PTPRN2: variants seen among roughly 807,000 people sequenced by gnomAD.
PTPRN2 encodes receptor-type tyrosine-protein phosphatase N2.
Under a neutral mutation model 118.8 loss-of-function variants are expected in PTPRN2, and 74 were observed. The ratio of observed to expected loss-of-function variants is 0.62; its 90% CI spans 0.52 to 0.76. PTPRN2 has a LOEUF of 0.76. Ranked by LOEUF, PTPRN2 falls within the 30% of genes least tolerant of loss-of-function variation. The pLI is 0.00. For synonymous variants in PTPRN2, 641 were observed against 608.0 expected, an observed-to-expected ratio of 1.05 and a Z score of -0.80; for missense variants, 1,481 against 1,394.4, an observed-to-expected ratio of 1.06 and a Z score of -0.99.
Position 157,585,728 on chromosome 7 carries a change from G to GAGAGGA in PTPRN2, c.2497-7594_2497-7589dup, listed in dbSNP as rs919175251. Among the ~76,000 whole-genome samples the GAGAGGA allele has an allele frequency of 5.3e-4, 80 of 152,340 alleles. No individual in the cohort carries two copies. Among genetic ancestry groups the GAGAGGA allele is most frequent in the African/African-American group, 1.8e-3 (75 of 41,584 alleles). On this transcript the variant is annotated intron_variant, in intron 17 of 22. Coordinates refer to ENST00000389418, the MANE Select transcript of PTPRN2 (RefSeq NM_002847.5). This position sits in a 1 kb window ranked among gnomAD's most constrained non-coding sequence, Gnocchi z 5.2. ...TGCATCAGATCCAGTTGTGAAGCAAGAGAGGAAGAGGAAGAGGAAGAGGGG... is the reference window on the plus strand; with the variant it reads ...TGCATCAGATCCAGTTGTGAAGCAAGAGAGGAAGAGGAAGAGGAAGAGGAAGAGGGG...
chr7:158,387,512 T>TG (rs1422135881), intron 2 of PTPRN2, among the ~76,000 whole-genome samples: 1 of 1,436 alleles, frequency 7.0e-4, no homozygotes, highest in African/African-American at 1.8e-3. Flanking sequence ...GTTACGATGT[T>TG]GGAAAGCACT....
chr7:157,722,841 C>G (rs983305538), intron 12 of PTPRN2, among the ~76,000 whole-genome samples: 1 of 152,082 alleles, frequency 6.6e-6, no homozygotes, highest in Non-Finnish European at 1.5e-5. Context: ...GGGCTCTGCT[C>G]CCACGGGTTC....
chr7:157,894,223 A>G (rs984612641), intron 12 of PTPRN2, among the ~76,000 whole-genome samples: 4 of 152,256 alleles, frequency 2.6e-5, no homozygotes, highest in African/African-American at 9.6e-5. Flanking sequence ...GCACAGGAAG[A>G]AAGTGGATCT....
In PTPRN2 at chr7:158,320,090, CACTCACAT is replaced by C. The variant is rs1322791442; in HGVS notation, c.164-3166_164-3159del. Among the ~76,000 whole-genome samples the C allele has an allele frequency of 3.7e-4, 28 of 75,276 alleles. 1 individual carries two copies. Among genetic ancestry groups the C allele is most frequent in the African/African-American group, 1.3e-3 (25 of 19,990 alleles). The allele number at this position is 75,276 out of a possible 152,430, so 49.4% of individuals were successfully genotyped here. A position where few individuals can be genotyped will look rare whatever the true frequency, so the allele number is the denominator to read the frequency against. On this transcript the variant is annotated intron_variant, in intron 2 of 22. Transcript: ENST00000389418. ...ACACACACACAGCCTCCCTCACACA[CACTCACAT>C]AGTCTCCCTCACACACACACACAGC...
At chr7:158,026,245 A>AT (rs1360611414) in intron 11 of PTPRN2, among the ~76,000 whole-genome samples, 2 of 152,226 alleles carry the variant, frequency 1.3e-5, no homozygotes, top group East Asian at 1.9e-4. Flanking sequence ...CTACTGATAT[A>AT]TTTTCCCTAA....
intron 9 of PTPRN2, among the ~76,000 whole-genome samples, chr7:158,126,784 TG>T (rs1817723163): frequency 6.6e-6 from 1 of 152,114 alleles, no homozygotes. Context: ...AGGAAGGGGC[TG>T]GGGGAACCTG....
chr7:158,561,817 G>A (rs1045248547), intron 1 of PTPRN2, among the ~76,000 whole-genome samples: 36 of 152,274 alleles, frequency 2.4e-4, no homozygotes, highest in Admixed American at 2.2e-3. Context: ...AGGGGGGACC[G>A]TGCCACCCCC....
At chr7:157,628,591 TCTGA>T (rs1289823566) in intron 14 of PTPRN2, among the ~76,000 whole-genome samples, 1 of 152,218 alleles carries the variant, frequency 6.6e-6, no homozygotes, top group Non-Finnish European at 1.5e-5. Flanking sequence ...AGTCAGGCCA[TCTGA>T]CTGAGCCCCA....
chr7:157,707,745 A>G (rs1798406645), intron 12 of PTPRN2, among the ~76,000 whole-genome samples: 1 of 152,070 alleles, frequency 6.6e-6, no homozygotes, highest in African/African-American at 2.4e-5. Flanking sequence ...GATTACAGGC[A>G]CGCACCACTA....
In PTPRN2 at chr7:158,331,737, C is replaced by T. The variant is rs1237177944; in HGVS notation, c.164-14805G>A. On this transcript the variant is annotated intron_variant, in intron 2 of 22. Transcript: ENST00000389418. ...CACATTCTCACCATAAGAGCTGACA[C>T]CTGCAGACGTCACTCAAACTCACAC... Among the ~76,000 whole-genome samples, 5 of 147,878 alleles carry T rather than the reference C, an allele frequency of 3.4e-5. No homozygotes were observed. In the South Asian group the frequency reaches 1.1e-3, roughly 31 times the overall value.
intron 12 of PTPRN2, among the ~76,000 whole-genome samples, chr7:157,896,782 C>T (rs1295919426): frequency 1.3e-5 from 2 of 152,218 alleles, no homozygotes; most frequent in Non-Finnish European, 2.9e-5. Context: ...TGGGCTGGAG[C>T]TGCCCAGTCA....
chr7:158,407,158 GGTCCTGGGTCCTGCGTCCTGC>G (rs1453574400), intron 2 of PTPRN2, among the ~76,000 whole-genome samples: 5 of 109,960 alleles, frequency 4.5e-5, no homozygotes, highest in Non-Finnish European at 9.6e-5. Context: ...CTGGGTCCTG[GGTCCTGGGTCCTGCGTCCTGC>G]GTCCTGGGTC....
At chr7:158,233,482 C>T (rs1409631826) in intron 3 of PTPRN2, among the ~76,000 whole-genome samples, 4 of 152,074 alleles carry the variant, frequency 2.6e-5, no homozygotes, top group South Asian at 2.1e-4. Flanking sequence ...GTTAAAATGT[C>T]GATACTACCC....
At chr7:157,856,453 C>T (rs987929833) in intron 12 of PTPRN2, among the ~76,000 whole-genome samples, 3 of 152,168 alleles carry the variant, frequency 2.0e-5, no homozygotes, top group African/African-American at 2.4e-5. Context: ...TTTGCTGGGG[C>T]GTCCCGTTCC....
chr7:158,350,735 C>T (rs534091143), intron 2 of PTPRN2, among the ~76,000 whole-genome samples: 1 of 152,230 alleles, frequency 6.6e-6, no homozygotes, highest in Non-Finnish European at 1.5e-5. Flanking sequence ...TCGCTCATCA[C>T]CGGCCAGGCC....
intron 11 of PTPRN2, among the ~76,000 whole-genome samples, chr7:157,941,054 T>C (rs1482601260): frequency 1.6e-3 from 31 of 19,558 alleles, no homozygotes; most frequent in East Asian, 3.3e-3. Context: ...AATCTAACAC[T>C]CTCCCCCGTG....
chr7:158,071,126 G>GTA (rs1350904154), intron 11 of PTPRN2, among the ~76,000 whole-genome samples: 6 of 92,026 alleles, frequency 6.5e-5, no homozygotes, highest in East Asian at 5.8e-4. Flanking sequence ...GGTGCCCGTG[G>GTA]TGGTGGAGGT....
chr7:157,723,606 T>C (rs1799366420), intron 12 of PTPRN2, among the ~76,000 whole-genome samples: 1 of 152,184 alleles, frequency 6.6e-6, no homozygotes, highest in South Asian at 2.1e-4. Context: ...TCCATCCTTG[T>C]CCCCGGAGAC....
At chr7:157,761,777 G>T (rs554347647) in intron 12 of PTPRN2, among the ~76,000 whole-genome samples, 6 of 149,656 alleles carry the variant, frequency 4.0e-5, no homozygotes, top group East Asian at 1.9e-4. Flanking sequence ...AAGAGCTTCT[G>T]CACAGCAAAA....
Sources: allele counts gnomAD v4.1 joint callset (sites outside exome capture counted in the v4.1 genomes callset), GRCh38; gene constraint gnomAD v4.1.1; non-coding constraint Gnocchi (gnomAD v3.1); transcripts MANE v1.5; gene names NCBI Gene and HGNC (gene_info 2026-07-23, HGNC 2026-07-21).